Variants in FIGN observed in about 807,000 individuals in gnomAD.
The protein encoded by FIGN is fidgetin.
In FIGN, 11 loss-of-function variants were observed where a neutral mutation model predicts 51.3. The ratio of observed to expected loss-of-function variants is 0.21; its 90% CI spans 0.13 to 0.35. FIGN has a LOEUF of 0.35. Among genes scored for constraint, FIGN ranks in the 10% least tolerant of loss-of-function variants. The pLI is 1.00. For synonymous variants in FIGN, 407 were observed against 363.2 expected (o/e 1.12, Z -1.37); for missense variants, 857 against 943.6 (o/e 0.91, Z 1.20).
In FIGN at chr2:163,610,446, C is replaced by T. The variant is rs1304747051; in HGVS notation, c.1386G>A (p.Lys462=). ...SSNHSVDEQL[K]NTDTHLIDLV... ...GGTCGATGAGGTGCGTGTCAGTATTCTTCAGTTGCTCGTCCACAGAGTGGT... is the reference window on the plus strand; with the variant it reads ...GGTCGATGAGGTGCGTGTCAGTATTTTTCAGTTGCTCGTCCACAGAGTGGT... Residue 462 remains lysine, a synonymous_variant, in exon 3 of 3, where the codon AAG becomes AAA. Coordinates refer to ENST00000333129, the MANE Select transcript of FIGN (RefSeq NM_018086.4). The T allele has an allele frequency of 1.2e-6, 2 of 1,614,124 alleles. No homozygotes were observed. The highest frequency in any genetic ancestry group is 8.5e-7 in the Non-Finnish European group (1 of 1,180,032).
At chr2:163,690,607 G>GAACACATTTAAAAATATATAA (rs1684225525) in intron 2 of FIGN, among the ~76,000 whole-genome samples, 2 of 151,990 alleles carry the variant, frequency 1.3e-5, no homozygotes, top group Admixed American at 6.6e-5. Flanking sequence ...CAACAGTACA[G>GAACACATTTAAAAATATATAA]AACACATTTA....
At chr2:163,687,762 T>A (rs1378517074) in intron 2 of FIGN, among the ~76,000 whole-genome samples, 2 of 152,234 alleles carry the variant, frequency 1.3e-5, no homozygotes, top group African/African-American at 4.8e-5. Flanking sequence ...TCATTTTTCA[T>A]AATCTGTTTT....
At chr2:163,645,129 T>A (rs144679159) in intron 2 of FIGN, among the ~76,000 whole-genome samples, 1 of 152,258 alleles carries the variant, frequency 6.6e-6, no homozygotes, top group Non-Finnish European at 1.5e-5. Flanking sequence ...AAATTACATA[T>A]CAGATGAATA....
Position 163,609,554 on chromosome 2 carries a change from A to G in FIGN, c.2278T>C (p.Ter760ArgextTer1). Reference sequence around the variant, plus strand: ...ATTTTTTTTTTCTAAAGAAGTTATCACTGACTGCAACCAAACATTTTGTTC... The same window carrying G: ...ATTTTTTTTTTCTAAAGAAGTTATCGCTGACTGCAACCAAACATTTTGTTC... ...EWNKMFGCSQ* is the reference protein window; with the variant it reads ...EWNKMFGCSQR Residue 760 changes from the stop codon to arginine, a stop_lost, in exon 3 of 3, where the codon TGA becomes CGA. Transcript: ENST00000333129. 4 of 1,603,530 alleles carry G rather than the reference A, an allele frequency of 2.5e-6. No homozygotes were observed. The highest frequency in any genetic ancestry group is 3.4e-6 in the Non-Finnish European group (4 of 1,173,646).
intron 2 of FIGN, among the ~76,000 whole-genome samples, chr2:163,684,744 G>A (rs933582825): frequency 5.9e-5 from 9 of 152,020 alleles, no homozygotes; most frequent in Non-Finnish European, 1.0e-4. Context: ...ATGAAAATGC[G>A]TATTTTCATT....
intron 2 of FIGN, among the ~76,000 whole-genome samples, chr2:163,663,945 C>T (rs1683733026): frequency 6.6e-6 from 1 of 152,030 alleles, no homozygotes; most frequent in Non-Finnish European, 1.5e-5. Flanking sequence ...AAAATGACGA[C>T]TTACGAGTTT....
rs1691025666 is a variant in FIGN at position 163,603,737 on chromosome 2, T to C, written c.*5815A>G. ...TTTGCTTTTGTAAAATATCCACAAT[T>C]TGCTGACAAGCAACTTCAAAAGTCC... On this transcript the variant is annotated 3_prime_UTR_variant, in exon 3 of 3. Coordinates refer to ENST00000333129, the MANE Select transcript of FIGN (RefSeq NM_018086.4). 1 of 152,112 alleles carries C rather than the reference T, an allele frequency of 6.6e-6. No individual in the cohort carries two copies. Among genetic ancestry groups the C allele is most frequent in the Admixed American group, 6.6e-5 (1 of 15,252 alleles). The allele number at this position is 152,112 out of a possible 1,614,324, so 9.4% of individuals were successfully genotyped here.
intron 2 of FIGN, among the ~76,000 whole-genome samples, chr2:163,620,071 A>G (rs2105304886): frequency 6.6e-6 from 1 of 152,312 alleles, no homozygotes; most frequent in East Asian, 1.9e-4. Context: ...AAATATACAA[A>G]TAATTCACAC....
chr2:163,700,859 A>G (rs1684397454), intron 2 of FIGN, among the ~76,000 whole-genome samples: 2 of 152,134 alleles, frequency 1.3e-5, no homozygotes, highest in African/African-American at 4.8e-5. Context: ...CAGCCATGAT[A>G]ATCAATTAAC....
intron 2 of FIGN, among the ~76,000 whole-genome samples, chr2:163,622,542 A>G (rs1682991155): frequency 6.6e-6 from 1 of 151,778 alleles, no homozygotes; most frequent in African/African-American, 2.4e-5. Context: ...TTTCAGCCAC[A>G]TTTTTATTAT....
At chr2:163,612,304 A>G in intron 2 of FIGN, 2 of 985,316 alleles carry the variant, frequency 2.0e-6, no homozygotes, top group Non-Finnish European at 2.4e-6. Flanking sequence ...AATGAGACAC[A>G]GCTGACAGAT....
Position 163,611,106 on chromosome 2 carries a change from G to A in FIGN, c.726C>T (p.Leu242=). ...TAGCAGACGGATAGCTGTAACTGGA[G>A]AGGTTAGAAGTCCCATTGTAGCCTG... ...LVPGYNGTSN[L]SSYSYPSASY... Residue 242 remains leucine, a synonymous_variant, in exon 3 of 3, where the codon CTC becomes CTT. Coordinates refer to ENST00000333129, the MANE Select transcript of FIGN (RefSeq NM_018086.4). 1 of 1,614,160 alleles carries A rather than the reference G, an allele frequency of 6.2e-7. No homozygotes were observed. Among genetic ancestry groups the A allele is most frequent in the Non-Finnish European group, 8.5e-7 (1 of 1,180,026 alleles).
intron 2 of FIGN, among the ~76,000 whole-genome samples, chr2:163,631,448 T>C (rs1683144376): frequency 6.6e-6 from 1 of 152,272 alleles, no homozygotes; most frequent in African/African-American, 2.4e-5. Context: ...GTAAGATACC[T>C]GATTCCCTAA....
intron 2 of FIGN, among the ~76,000 whole-genome samples, chr2:163,677,662 T>G (rs141270911): frequency 1.3e-5 from 2 of 152,348 alleles, no homozygotes; most frequent in African/African-American, 4.8e-5. Context: ...AAAAAAGGAT[T>G]CTTTCAAATT....
chr2:163,675,706 C>CTTTCTTTT (rs1683948364), intron 2 of FIGN, among the ~76,000 whole-genome samples: 1 of 100,494 alleles, frequency 1.0e-5, no homozygotes, highest in Non-Finnish European at 2.0e-5. Context: ...TTCTTTCTTT[C>CTTTCTTTT]TTTTTTTTTT....
chr2:163,686,416 T>C (rs1684149938), intron 2 of FIGN, among the ~76,000 whole-genome samples: 1 of 152,154 alleles, frequency 6.6e-6, no homozygotes, highest in Non-Finnish European at 1.5e-5. Flanking sequence ...TTTCTAGTGC[T>C]ATTTAAAAAC....
intron 2 of FIGN, among the ~76,000 whole-genome samples, chr2:163,656,162 C>T (rs576209170): frequency 6.6e-6 from 1 of 152,260 alleles, no homozygotes; most frequent in South Asian, 2.1e-4. Context: ...CATTACTTAG[C>T]TAATTAACAC....
intron 2 of FIGN, among the ~76,000 whole-genome samples, chr2:163,724,737 G>A (rs1346440349): frequency 6.6e-6 from 1 of 152,010 alleles, no homozygotes; most frequent in Non-Finnish European, 1.5e-5. Flanking sequence ...CACTTCATTT[G>A]TGGCCTAAAA....
At chr2:163,664,953 CTG>C (rs1443713848) in intron 2 of FIGN, among the ~76,000 whole-genome samples, 1 of 152,174 alleles carries the variant, frequency 6.6e-6, no homozygotes, top group East Asian at 1.9e-4. Flanking sequence ...TGACTGTCTC[CTG>C]TGTGGAAACT....
Sources: allele counts gnomAD v4.1 joint callset (sites outside exome capture counted in the v4.1 genomes callset), GRCh38; gene constraint gnomAD v4.1.1; transcripts MANE v1.5; gene names NCBI Gene and HGNC (gene_info 2026-07-23, HGNC 2026-07-21).